The following AP2A1 variants were observed in gnomAD, a reference collection of about 807,000 sequenced individuals.
AP2A1 encodes the protein adaptor related protein complex 2 subunit alpha 1, also known as AP-2 complex subunit alpha-1.
AP2A1 carries 21 observed loss-of-function variants against 107.3 expected under a neutral mutation model. The ratio of observed to expected loss-of-function variants is 0.20; its 90% CI spans 0.14 to 0.28. The LOEUF is 0.28. AP2A1 is among the 10% of genes least tolerant of loss of function. The pLI is 1.00. For missense variants in AP2A1, 873 were observed against 1,307.7 expected, an observed-to-expected ratio of 0.67 and a Z score of 5.13; for synonymous variants, 602 against 564.8, an observed-to-expected ratio of 1.07 and a Z score of -0.93.
intron 13 of AP2A1, 30 bp from the exon 14 acceptor site, chr19:49,801,691 GA>G: frequency 2.9e-6 from 3 of 1,043,826 alleles, no homozygotes; most frequent in Non-Finnish European, 3.8e-6. Flanking sequence ...CTCCTGACCC[GA>G]ACTGACCTTC....
Position 49,802,943 on chromosome 19 carries a change from C to T in AP2A1, c.2115-6C>T, listed in dbSNP as rs11878830. 1,768 of 1,612,330 alleles carry T rather than the reference C, an allele frequency of 1.1e-3. 19 individuals carry two copies. In the African/African-American group the frequency reaches 0.02, roughly 18 times the overall value. On this transcript the variant is annotated splice_region_variant and splice_polypyrimidine_tract_variant and intron_variant, in intron 15 of 22. Coordinates refer to ENST00000354293, the MANE Select transcript of AP2A1 (RefSeq NM_130787.3). ...CTTCCCATCTCACTCTGCTCCATGC[C>T]TCCAGCCCAGGTCCTGAGGACATCG...
rs777302536 is a variant in AP2A1 at position 49,799,784 on chromosome 19, C to T, written c.1272+18C>T. ...AGGAGATCGTGAGTGCTGTGGGGTG[C>T]GGGCTGGACTCTTGGGTCTGAGGCA... On this transcript the variant is annotated intron_variant, in intron 10 of 22. Transcript: ENST00000354293. 9.9e-6 allele frequency: 16 copies of T among 1,609,482 alleles called. No individual in the cohort carries two copies. Among genetic ancestry groups the T allele is most frequent in the African/African-American group, 5.3e-5 (4 of 74,864 alleles).
chr19:49,790,416 G>A (rs1271018474), intron 4 of AP2A1, among the ~76,000 whole-genome samples: 1 of 152,134 alleles, frequency 6.6e-6, no homozygotes, highest in Non-Finnish European at 1.5e-5. Context: ...TATCATATCT[G>A]CAAAGTACCC....
intron 18 of AP2A1, chr19:49,804,991 C>G: frequency 6.4e-6 from 1 of 156,400 alleles, no homozygotes; most frequent in Non-Finnish European, 1.4e-5. Context: ...ACTGCAGCCT[C>G]GAACTTCTGG....
chr19:49,801,411 G>A lies in AP2A1; in HGVS notation c.1575G>A (p.Leu525=). ...PRSSPPVQFS[L]LHSKFHLCSV... ...ACAGCCCCCCAGTGCAGTTCTCCCT[G>A]CTCCACTCCAAGTTCCATCTGTGCA... The change falls in exon 13 of 23, where the codon CTG becomes CTA. Residue 525 remains leucine, a synonymous_variant. Transcript: ENST00000354293. The A allele has an allele frequency of 6.2e-7, 1 of 1,613,574 alleles. No individual in the cohort carries two copies. The highest frequency in any genetic ancestry group is 8.5e-7 in the Non-Finnish European group (1 of 1,179,812).
In AP2A1 at chr19:49,802,116, C is replaced by T; in HGVS notation, c.2089C>T (p.Pro697Ser). Reference protein sequence around the residue: ...DGPAAQPSLGPTPEEAFLSPG... With the variant: ...DGPAAQPSLGSTPEEAFLSPG... ...CCCGGCCGCCCAGCCCAGCCTGGGG[C>T]CCACCCCCGAGGAGGCCTTCCTCAG... Residue 697 changes from proline to serine, a missense_variant, in exon 15 of 23, where the codon CCC (proline) becomes TCC (serine). By Grantham distance (74) the Pro-to-Ser change is moderately conservative (BLOSUM62 -1). Coordinates refer to ENST00000354293, the MANE Select transcript of AP2A1 (RefSeq NM_130787.3). 2 of 1,582,708 alleles carry T rather than the reference C, an allele frequency of 1.3e-6. No homozygotes were observed. Among genetic ancestry groups the T allele is most frequent in the African/African-American group, 1.3e-5 (1 of 74,636 alleles).
chr19:49,798,636 A>G (rs2073240009), intron 7 of AP2A1, among the ~76,000 whole-genome samples, 166 bp from the exon 8 acceptor site: 1 of 151,994 alleles, frequency 6.6e-6, no homozygotes, highest in Non-Finnish European at 1.5e-5. Flanking sequence ...GGCTGGGAAG[A>G]GGTTGAGGGA....
At chr19:49,784,307 A>G (rs1389315973) in intron 4 of AP2A1, among the ~76,000 whole-genome samples, 1 of 152,148 alleles carries the variant, frequency 6.6e-6, no homozygotes, top group Non-Finnish European at 1.5e-5. Context: ...CATGCCTGTA[A>G]TCCCAGCTCC....
chr19:49,790,655 C>T (rs1229218359), intron 4 of AP2A1, among the ~76,000 whole-genome samples: 2 of 152,236 alleles, frequency 1.3e-5, no homozygotes, highest in African/African-American at 4.8e-5. Context: ...CCACCTCAGC[C>T]TCCTAAAGTG....
In AP2A1 at chr19:49,801,530, C is replaced by T. The variant is rs1244689907; in HGVS notation, c.1694C>T (p.Ala565Val). The change falls in exon 13 of 23, where the codon GCC becomes GTC. Residue 565 changes from alanine (A) to valine (V), a missense_variant. By Grantham distance (64) the Ala-to-Val change is moderately conservative. Transcript: ENST00000354293. The stretch of plus-strand genomic sequence containing the variant: ...GCCACCATCCAGGGCGTCCTGCGGG[C>T]CGGCTCCCAGCTGCGCAATGCTGAC... The part of the protein sequence containing the change: ...TKATIQGVLR[A>V]GSQLRNADVE... The T allele has an allele frequency of 6.2e-7, 1 of 1,613,588 alleles. No individual in the cohort carries two copies. The highest frequency in any genetic ancestry group is 8.5e-7 in the Non-Finnish European group (1 of 1,179,840).
In AP2A1 at chr19:49,806,787, C is replaced by G. The variant is rs374342145; in HGVS notation, c.*29C>G. 1.1e-5 allele frequency: 18 copies of G among 1,613,084 alleles called. No individual in the cohort carries two copies. In the African/African-American group the frequency reaches 2.3e-4, roughly 20 times the overall value. On this transcript the variant is annotated 3_prime_UTR_variant, in exon 23 of 23. Transcript: ENST00000354293. Reference sequence around the variant, plus strand: ...CTGGACTCTGCCCCGGGGGATGTGGCCGGCACTGGGCAGCCCCTTGGACTG... The same window carrying G: ...CTGGACTCTGCCCCGGGGGATGTGGGCGGCACTGGGCAGCCCCTTGGACTG...
intron 1 of AP2A1, among the ~76,000 whole-genome samples, chr19:49,770,456 T>C (rs1372058129): frequency 6.6e-6 from 1 of 152,154 alleles, no homozygotes; most frequent in Non-Finnish European, 1.5e-5. Context: ...ACCCCCTCCA[T>C]GAAGCTCCCA....
intron 1 of AP2A1, among the ~76,000 whole-genome samples, chr19:49,779,794 A>T (rs546693121): frequency 6.6e-6 from 1 of 152,286 alleles, no homozygotes; most frequent in Non-Finnish European, 1.5e-5. Flanking sequence ...TGCTGTTGAC[A>T]GCCCCTCTCA....
intron 19 of AP2A1, 33 bp from the exon 20 acceptor site, chr19:49,805,628 G>T: frequency 6.4e-7 from 1 of 1,552,682 alleles, no homozygotes; most frequent in African/African-American, 1.4e-5. Context: ...GTGAGGGGCG[G>T]GGCCTAATGG....
At chr19:49,802,911 C>G in intron 15 of AP2A1, 38 bp from the exon 16 acceptor site, 1 of 1,602,376 alleles carries the variant, frequency 6.2e-7, no homozygotes, top group Non-Finnish European at 8.5e-7. Context: ...CCCTCCCCAC[C>G]AAGTTCCTTC....
intron 12 of AP2A1, 83 bp from the exon 13 acceptor site, chr19:49,801,307 T>C (rs2073276003): frequency 7.1e-7 from 1 of 1,406,604 alleles, no homozygotes; most frequent in Non-Finnish European, 9.8e-7. Context: ...GACGGGTCCA[T>C]CCTAGGGAGG....
chr19:49,777,757 C>T (rs1189676190), intron 1 of AP2A1, among the ~76,000 whole-genome samples: 2 of 151,796 alleles, frequency 1.3e-5, no homozygotes, highest in African/African-American at 2.4e-5. Flanking sequence ...AAAACCCTAT[C>T]TCTACAAAAA....
chr19:49,772,260 T>TTTTTTTTG (rs2084569196), intron 1 of AP2A1, among the ~76,000 whole-genome samples: 1 of 130,512 alleles, frequency 7.7e-6, no homozygotes, highest in African/African-American at 2.9e-5. Context: ...TTTTTTTTTT[T>TTTTTTTTG]TTTTTTTTTT....
chr19:49,769,555 G>A (rs992084567), intron 1 of AP2A1, among the ~76,000 whole-genome samples: 6 of 152,228 alleles, frequency 3.9e-5, no homozygotes, highest in Admixed American at 2.6e-4. Context: ...GTGTTCGAGC[G>A]AGAGGGAGAA....
Sources: gnomAD v4.1 joint callset for allele counts (sites outside exome capture counted in the v4.1 genomes callset) on GRCh38, gnomAD v4.1.1 for gene constraint, MANE v1.5 for transcripts, NCBI Gene and HGNC (gene_info 2026-07-23, HGNC 2026-07-21) for gene names.